Variants in POLA2 observed in about 807,000 individuals in gnomAD.
The protein encoded by POLA2 is DNA polymerase alpha subunit B.
Under a neutral mutation model 82.8 loss-of-function variants are expected in POLA2, and 47 were observed. The ratio of observed to expected loss-of-function variants is 0.57; its 90% confidence interval spans 0.45 to 0.72. The LOEUF is 0.72. Among genes scored for constraint, POLA2 ranks in the 30% least tolerant of loss-of-function variants. POLA2 has a pLI of 0.00. For missense variants in POLA2, 634 were observed against 728.1 expected (o/e 0.87, Z 1.49); for synonymous variants, 287 against 286.8 (o/e 1.00, Z -0.01).
At position 65,297,205 on chromosome 11, in the gene POLA2, G is replaced by T. The variant is rs921966767; in HGVS notation, c.1733G>T (p.Arg578Met). Residue 578 changes from arginine (R) to methionine (M), a missense_variant, in exon 18 of 18, where the codon AGG becomes ATG. By Grantham distance (91) the Arg-to-Met change is moderately conservative. Transcript: ENST00000265465. Reference sequence around the variant, plus strand: ...ACCTTCGCCCGACTCTACCTTAGGAGGCCGGCAGCGGACGGGGCAGAGAGG... The same window carrying T: ...ACCTTCGCCCGACTCTACCTTAGGATGCCGGCAGCGGACGGGGCAGAGAGG... Reference protein sequence around the residue: ...GGTFARLYLRRPAADGAERQS... With the variant: ...GGTFARLYLRMPAADGAERQS... The T allele has an allele frequency of 1.2e-6, 2 of 1,614,042 alleles. No homozygotes were observed. Among genetic ancestry groups the T allele is most frequent in the South Asian group, 2.2e-5 (2 of 91,070 alleles).
In POLA2 at chr11:65,288,959, C is replaced by G; in HGVS notation, c.1132-91C>G. 11 of 1,224,932 alleles carry G rather than the reference C, an allele frequency of 9.0e-6. No homozygotes were observed. The South Asian group carries it at 1.4e-4, about 16-fold the overall frequency. 75.9% of individuals were successfully genotyped at this position (1,224,932 alleles called of 1,614,324 possible). On this transcript the variant is annotated intron_variant, in intron 11 of 17. Coordinates refer to ENST00000265465, the MANE Select transcript of POLA2 (RefSeq NM_002689.4). ...CTTGGAGGGACAGATGAGCCCTCCA[C>G]AGAGAACTGCCAGAGGAGGTATCTG... is the stretch of plus-strand genomic sequence containing the variant.
intron 11 of POLA2, among the ~76,000 whole-genome samples, chr11:65,288,516 T>G (rs923221587): frequency 7.5e-5 from 11 of 145,914 alleles, no homozygotes; most frequent in African/African-American, 2.2e-4. Flanking sequence ...TTTTTTGTTT[T>G]TTTTTTTTTT....
At chr11:65,267,604 A>G in intron 3 of POLA2, 36 bp downstream of exon 3, 1 of 1,298,870 alleles carries the variant, frequency 7.7e-7, no homozygotes, top group Non-Finnish European at 1.1e-6. Context: ...GCACCAAGCT[A>G]CATGTTGTAT....
chr11:65,304,772 C>T (rs1161892126), intron 8 of POLA2, among the ~76,000 whole-genome samples: 1 of 152,212 alleles, frequency 6.6e-6, no homozygotes, highest in Non-Finnish European at 1.5e-5. Context: ...CGACAGCTGA[C>T]AGGCACATGT....
chr11:65,268,459 C>T (rs1949486623), intron 3 of POLA2, among the ~76,000 whole-genome samples: 1 of 151,564 alleles, frequency 6.6e-6, no homozygotes, highest in African/African-American at 2.4e-5. Flanking sequence ...TCATGCCATT[C>T]TCCTGCCTCA....
chr11:65,289,810 G>T lies in POLA2; in HGVS notation c.1182G>T (p.Leu394=). The change falls in exon 13 of 18, where the codon CTG becomes CTT. Residue 394 remains leucine, a synonymous_variant. Transcript: ENST00000265465. ...TTCCTTTCTTGCAGAATTGTCTACTGACAAGTCCATTTGAAGACATTTTCA... is the reference window on the plus strand; with the variant it reads ...TTCCTTTCTTGCAGAATTGTCTACTTACAAGTCCATTTGAAGACATTTTCA... The part of the protein sequence containing the change: ...AKHEQVENCL[L]TSPFEDIFKQ... The T allele has an allele frequency of 6.2e-7, 1 of 1,607,734 alleles. No homozygotes were observed. The highest frequency in any genetic ancestry group is 1.1e-5 in the South Asian group (1 of 90,872).
chr11:65,295,054 C>T (rs1321523906), intron 15 of POLA2, among the ~76,000 whole-genome samples: 1 of 152,178 alleles, frequency 6.6e-6, no homozygotes, highest in Non-Finnish European at 1.5e-5. Context: ...ACTACCAGTA[C>T]AACATCCAGC....
chr11:65,273,401 C>T (rs1395055980), intron 4 of POLA2, among the ~76,000 whole-genome samples: 4 of 152,140 alleles, frequency 2.6e-5, no homozygotes, highest in Non-Finnish European at 4.4e-5. Context: ...TTAAAGGGAG[C>T]GCATCCTTGA....
At chr11:65,281,753 T>G (rs1210791241) in intron 9 of POLA2, 21 bp downstream of exon 9, 5 of 1,602,794 alleles carry the variant, frequency 3.1e-6, no homozygotes, top group Non-Finnish European at 4.3e-6. Context: ...GTACCCCCAC[T>G]TGCCTCTTGG....
chr11:65,295,772 C>T, intron 16 of POLA2, 92 bp from the exon 17 acceptor site: 1 of 1,497,446 alleles, frequency 6.7e-7, no homozygotes, highest in Non-Finnish European at 9.2e-7. Context: ...CTGTGGATGC[C>T]AGCAGCACGA....
intron 4 of POLA2, among the ~76,000 whole-genome samples, chr11:65,271,269 T>G (rs1036701217): frequency 6.6e-6 from 1 of 152,186 alleles, no homozygotes; most frequent in East Asian, 1.9e-4. Context: ...GATCTCTGAA[T>G]AAGGGAGTGT....
Position 65,268,675 on chromosome 11 carries a change from T to G in POLA2, c.300T>G (p.Ile100Met). ...ARDIVSIQEL[I>M]EVEEEEEILL... ...TTTTCTTAACCAGTGTTCTTAGAAT[T>G]GAAGTGGAAGAAGAAGAGGAAATCC... Residue 100 changes from isoleucine to methionine, a missense_variant, in exon 4 of 18, where the codon ATT becomes ATG. Physicochemically the swap from Ile to Met is conservative, Grantham distance 10. Coordinates refer to ENST00000265465, the MANE Select transcript of POLA2 (RefSeq NM_002689.4). The G allele has an allele frequency of 1.3e-6, 2 of 1,596,288 alleles. No homozygotes were observed. Among genetic ancestry groups the G allele is most frequent in the Non-Finnish European group, 1.7e-6 (2 of 1,168,870 alleles).
At chr11:65,282,311 A>G (rs998721946) in intron 9 of POLA2, among the ~76,000 whole-genome samples, 168 bp from the exon 10 acceptor site, 3 of 152,122 alleles carry the variant, frequency 2.0e-5, no homozygotes, top group Non-Finnish European at 4.4e-5. Context: ...GGCAGGTCCC[A>G]TCAGATCCAG....
In POLA2 at chr11:65,295,577, A is replaced by G; in HGVS notation, c.1498A>G (p.Lys500Glu). 6.2e-7 allele frequency: 1 copy of G among 1,613,250 alleles called. No individual in the cohort carries two copies. ...GTSDRFSRILKHILTQRSYYP... is the reference protein window; with the variant it reads ...GTSDRFSRILEHILTQRSYYP... ...TTCAGACAGATTCAGCCGAATACTC[A>G]AGCACATCTTGACCCAGAGGAGGTG... Residue 500 changes from lysine to glutamate, a missense_variant, in exon 16 of 18, where the codon AAG becomes GAG. Coordinates refer to ENST00000265465, the MANE Select transcript of POLA2 (RefSeq NM_002689.4).
At position 65,262,212 on chromosome 11, in the gene POLA2, A is replaced by C. The variant is rs572577525; in HGVS notation, c.-81A>C. On this transcript the variant is annotated 5_prime_UTR_variant, in exon 1 of 18. Coordinates refer to ENST00000265465, the MANE Select transcript of POLA2 (RefSeq NM_002689.4). ...GGAAGGATAAGAGGGCGAGGAGCTC[A>C]TCGCTCGCCACCCCCGTGGGCTTCT... 15 of 1,078,064 alleles carry C rather than the reference A, an allele frequency of 1.4e-5. No homozygotes were observed. The South Asian group carries it at 2.0e-4, about 14-fold the overall frequency. The allele number at this position is 1,078,064 out of a possible 1,614,324, so 66.8% of individuals were successfully genotyped here. A position where few individuals can be genotyped will look rare whatever the true frequency, so the allele number is the denominator to read the frequency against.
rs1226209493 is a variant in POLA2 at position 65,287,705 on chromosome 11, C to T, written c.1007-11C>T. 6.2e-7 allele frequency: 1 copy of T among 1,610,328 alleles called. No homozygotes were observed. The highest frequency in any genetic ancestry group is 8.5e-7 in the Non-Finnish European group (1 of 1,177,668). On this transcript the variant is annotated splice_polypyrimidine_tract_variant and intron_variant, in intron 10 of 17. Coordinates refer to ENST00000265465, the MANE Select transcript of POLA2 (RefSeq NM_002689.4). The stretch of plus-strand genomic sequence containing the variant: ...TCCTCTTCTAATCAAGACCTATAAC[C>T]TCTGTCTTAGACTTTGAGCAAAGCA...
chr11:65,280,787 G>A, intron 7 of POLA2: 4 of 559,178 alleles, frequency 7.2e-6, no homozygotes, highest in Non-Finnish European at 1.3e-5. Context: ...AGTGCTGGGT[G>A]GATGGGTGGA....
In POLA2 at chr11:65,287,800, T is replaced by C. The variant is rs1021807985; in HGVS notation, c.1091T>C (p.Ile364Thr). 1 of 1,613,912 alleles carries C rather than the reference T, an allele frequency of 6.2e-7. No homozygotes were observed. The highest frequency in any genetic ancestry group is 1.1e-5 in the South Asian group (1 of 91,026). The change falls in exon 11 of 18, where the codon ATT (isoleucine) becomes ACT (threonine). Residue 364 changes from isoleucine to threonine, a missense_variant. By Grantham distance (89) the Ile-to-Thr change is moderately conservative. Coordinates refer to ENST00000265465, the MANE Select transcript of POLA2 (RefSeq NM_002689.4). ...ACGTATGACCCCCTGCTTGACCTGA[T>C]TGCTGTCATCAACCATGACCGGCCA... ...SITYDPLLDLIAVINHDRPDV... is the reference protein window; with the variant it reads ...SITYDPLLDLTAVINHDRPDV...
chr11:65,298,470 C>T lies in POLA2; in HGVS notation c.*1201C>T, dbSNP rs1052498819. ...TCCTGCCCTAAGCTGGCAGGCTGTC[C>T]TGCCTCACATGCCAGAGCCAAGACC... On this transcript the variant is annotated 3_prime_UTR_variant, in exon 18 of 18. Transcript: ENST00000265465. The T allele has an allele frequency of 2.0e-4, 30 of 152,432 alleles. No individual in the cohort carries two copies. The highest frequency in any genetic ancestry group is 7.0e-4 in the African/African-American group (29 of 41,586). 9.4% of individuals were successfully genotyped at this position (152,432 alleles called of 1,614,324 possible).
Sources: gnomAD v4.1 joint callset for allele counts (sites outside exome capture counted in the v4.1 genomes callset) on GRCh38, gnomAD v4.1.1 for gene constraint, MANE v1.5 for transcripts, NCBI Gene and HGNC (gene_info 2026-07-23, HGNC 2026-07-21) for gene names.